Variants in DYM observed in about 807,000 individuals in gnomAD.
The protein encoded by DYM is dyggve-Melchior-Clausen syndrome protein.
Under a neutral mutation model 93.1 loss-of-function variants are expected in DYM, and 78 were observed. That is an observed-to-expected ratio of 0.84 (90% CI 0.70 to 1.01). The LOEUF (loss-of-function observed/expected upper bound fraction) is 1.01, where lower values mean the gene tolerates loss of function less well. Ranked by LOEUF, DYM falls within the 50% of genes least tolerant of loss-of-function variation. The pLI, the probability that DYM is intolerant of heterozygous loss-of-function variation, is 0.00. For synonymous variants in DYM, 321 were observed against 319.7 expected (o/e 1.00, Z -0.04); for missense variants, 789 against 845.0 (o/e 0.93, Z 0.82).
intron 13 of DYM, among the ~76,000 whole-genome samples, chr18:49,227,281 T>C (rs1568055518): frequency 6.6e-6 from 1 of 152,136 alleles, no homozygotes; most frequent in Non-Finnish European, 1.5e-5. Flanking sequence ...ATGCCACAAA[T>C]ATTAGATCAG....
chr18:49,127,276 C>T (rs1434505344), intron 15 of DYM, among the ~76,000 whole-genome samples: 1 of 152,176 alleles, frequency 6.6e-6, no homozygotes, highest in African/African-American at 2.4e-5. Flanking sequence ...TCTGATACAT[C>T]AAATATGTTG....
intron 14 of DYM, among the ~76,000 whole-genome samples, chr18:49,167,031 TGTGC>T (rs1257581293): frequency 2.4e-4 from 32 of 130,886 alleles, no homozygotes; most frequent in South Asian, 2.4e-4. Flanking sequence ...TGTGTGTGTG[TGTGC>T]GCGCCTGTGT....
intron 15 of DYM, among the ~76,000 whole-genome samples, chr18:49,148,356 C>CAA (rs568864425): frequency 2.3e-5 from 3 of 132,698 alleles, no homozygotes; most frequent in African/African-American, 8.3e-5. Context: ...AAAAAAAGAA[C>CAA]AAAAAAAAAA....
chr18:49,403,835 G>A lies in DYM; in HGVS notation c.141-12190C>T, dbSNP rs550104258. On this transcript the variant is annotated intron_variant, in intron 2 of 17. Transcript: ENST00000675505. The stretch of plus-strand genomic sequence containing the variant: ...TTCCACCTGTATGTAAGAACATGCA[G>A]TATTTGGTTTTCTGTTCCTATGTTA... Among the ~76,000 whole-genome samples, 16 of 152,070 alleles carry A rather than the reference G, an allele frequency of 1.1e-4. No homozygotes were observed. In the South Asian group the frequency reaches 3.3e-3, roughly 32 times the overall value.
At chr18:49,333,544 A>C (rs1479405341) in intron 7 of DYM, among the ~76,000 whole-genome samples, 184 bp downstream of exon 7, 1 of 152,216 alleles carries the variant, frequency 6.6e-6, no homozygotes, top group Non-Finnish European at 1.5e-5. Context: ...AAGAACAGGG[A>C]GGATGGGTAG....
chr18:49,356,688 C>T (rs1442438191), intron 6 of DYM, among the ~76,000 whole-genome samples: 1 of 152,152 alleles, frequency 6.6e-6, no homozygotes, highest in Non-Finnish European at 1.5e-5. Flanking sequence ...ATAAAGAAAC[C>T]ATTTATGACT....
In DYM at chr18:49,209,696, G is replaced by C; in HGVS notation, c.1480C>G (p.Arg494Gly). The change falls in exon 14 of 18, where the codon CGG becomes GGG. Residue 494 changes from arginine (R) to glycine (G), a missense_variant. Physicochemically the swap from Arg to Gly is moderately radical, Grantham distance 125. Transcript: ENST00000675505. Reference sequence around the variant, plus strand: ...TTGTCCAACACATAAACATATCTCCGCAAGTGGCGGCAGGTATAACTGAAA... The same window carrying C: ...TTGTCCAACACATAAACATATCTCCCCAAGTGGCGGCAGGTATAACTGAAA... ...RIISYTCRHL[R>G]RYVYVLDKLY... 1 of 1,281,262 alleles carries C rather than the reference G, an allele frequency of 7.8e-7. No homozygotes were observed. The highest frequency in any genetic ancestry group is 1.0e-6 in the Non-Finnish European group (1 of 984,014). 79.4% of individuals were successfully genotyped at this position (1,281,262 alleles called of 1,614,324 possible).
At chr18:49,411,101 A>T (rs1020245841) in intron 2 of DYM, among the ~76,000 whole-genome samples, 1 of 152,174 alleles carries the variant, frequency 6.6e-6, no homozygotes, top group Admixed American at 6.6e-5. Context: ...AGAAATAGAG[A>T]AGCAGAGTAA....
intron 14 of DYM, among the ~76,000 whole-genome samples, chr18:49,174,394 C>T (rs115124257): frequency 0.015 from 2,281 of 152,216 alleles, 56 homozygotes; most frequent in African/African-American, 0.052. Context: ...AGTAAATTAA[C>T]TTGCCAAGGA....
chr18:49,134,440 G>A (rs1004779554), intron 15 of DYM, among the ~76,000 whole-genome samples: 1 of 152,180 alleles, frequency 6.6e-6, no homozygotes, highest in Non-Finnish European at 1.5e-5. Context: ...AACTGTTAGT[G>A]AAAAGCCAAA....
intron 15 of DYM, among the ~76,000 whole-genome samples, chr18:49,153,890 C>A (rs1250874367): frequency 6.6e-6 from 1 of 152,028 alleles, no homozygotes; most frequent in African/African-American, 2.4e-5. Context: ...AAGTATCTCC[C>A]CAAAATATAT....
chr18:49,071,857 A>G (rs1308608219), intron 17 of DYM, among the ~76,000 whole-genome samples: 1 of 152,224 alleles, frequency 6.6e-6, no homozygotes, highest in African/African-American at 2.4e-5. Context: ...GCGTCTTGTC[A>G]TAGGGACTAT....
At chr18:49,294,631 T>TC (rs1207258141) in intron 8 of DYM, among the ~76,000 whole-genome samples, 1 of 152,144 alleles carries the variant, frequency 6.6e-6, no homozygotes, top group African/African-American at 2.4e-5. Context: ...AACCTCATTT[T>TC]TAAAAAATGA....
At chr18:49,080,543 C>A (rs1444685053) in intron 17 of DYM, among the ~76,000 whole-genome samples, 1 of 132,698 alleles carries the variant, frequency 7.5e-6, no homozygotes, top group African/African-American at 2.9e-5. Flanking sequence ...GGCGGCCGGG[C>A]AGAGGCGCCC....
intron 17 of DYM, among the ~76,000 whole-genome samples, chr18:49,056,337 A>G (rs1431472498): frequency 6.6e-6 from 1 of 152,242 alleles, no homozygotes; most frequent in African/African-American, 2.4e-5. Flanking sequence ...ACCAAAGTAG[A>G]GAAAGCTAAT....
intron 8 of DYM, among the ~76,000 whole-genome samples, chr18:49,296,563 G>C (rs557618065): frequency 6.6e-6 from 1 of 151,948 alleles, no homozygotes; most frequent in African/African-American, 2.4e-5. Flanking sequence ...GTTTGTCGGG[G>C]GGAATAAGAA....
rs572376127 is a variant in DYM at position 49,273,237 on chromosome 18, A to C, written c.1126-934T>G. On this transcript the variant is annotated intron_variant, in intron 10 of 17. Coordinates refer to ENST00000675505, the MANE Select transcript of DYM (RefSeq NM_001353214.3). The stretch of plus-strand genomic sequence containing the variant: ...AAGTTGTAGCTAAAACTTCCTCTAA[A>C]TTATGAAGTTCAGTGCATGAGCACT... 3.3e-5 allele frequency among the ~76,000 whole-genome samples: 5 copies of C among 152,242 alleles called. No individual in the cohort carries two copies. In the East Asian group the frequency reaches 9.6e-4, roughly 29 times the overall value.
At chr18:49,222,880 C>T (rs781768079) in intron 13 of DYM, among the ~76,000 whole-genome samples, 22 of 152,056 alleles carry the variant, frequency 1.4e-4, no homozygotes, top group Non-Finnish European at 2.8e-4. Flanking sequence ...ATAATAAAAC[C>T]GTTTAGTCAA....
At chr18:49,057,683 T>C (rs970708489) in intron 17 of DYM, among the ~76,000 whole-genome samples, 3 of 152,234 alleles carry the variant, frequency 2.0e-5, no homozygotes, top group African/African-American at 7.2e-5. Context: ...ATGCTCCCCA[T>C]GGCAACTGTC....
Sources: gnomAD v4.1 joint callset for allele counts (sites outside exome capture counted in the v4.1 genomes callset) on GRCh38, gnomAD v4.1.1 for gene constraint, MANE v1.5 for transcripts, NCBI Gene and HGNC (gene_info 2026-07-23, HGNC 2026-07-21) for gene names.